Variants in MPP3 observed in about 807,000 individuals in gnomAD.
The protein encoded by MPP3 is MAGUK p55 scaffold protein 3.
In MPP3, 48 loss-of-function variants were observed where a neutral mutation model predicts 80.7. The observed-to-expected ratio is 0.59, with a 90% CI of 0.47 to 0.76. The LOEUF (loss-of-function observed/expected upper bound fraction) is 0.76. MPP3 is among the 30% of genes least tolerant of loss of function. The probability of loss-of-function intolerance (pLI) is 0.00; values close to 1 mark genes in which losing one functional copy is unlikely to be tolerated. For missense variants in MPP3, 620 were observed against 763.0 expected (o/e 0.81, Z 2.21); for synonymous variants, 311 against 297.6 (o/e 1.04, Z -0.46).
rs1598378012 is a variant in MPP3 at position 43,832,824 on chromosome 17, G to C, written c.-96-5C>G. ...CCGCTCGCTCTCCGAAGGAACCTGT[G>C]GGAGAACAAGGAGCGCACTGGGCGC... On this transcript the variant is annotated splice_region_variant and splice_polypyrimidine_tract_variant and intron_variant, in intron 1 of 19. Transcript: ENST00000398389. 6.6e-6 allele frequency: 1 copy of C among 152,470 alleles called. No individual in the cohort carries two copies. Among genetic ancestry groups the C allele is most frequent in the East Asian group, 1.9e-4 (1 of 5,174 alleles). The allele number at this position is 152,470 out of a possible 1,614,324, so 9.4% of individuals were successfully genotyped here.
At chr17:43,819,934 T>C (rs2045338243) in intron 11 of MPP3, among the ~76,000 whole-genome samples, 1 of 152,094 alleles carries the variant, frequency 6.6e-6, no homozygotes, top group South Asian at 2.1e-4. Flanking sequence ...AGTTTTTTTC[T>C]GTTTTTTTGT....
chr17:43,820,936 C>T lies in MPP3; in HGVS notation c.807G>A (p.Thr269=), dbSNP rs141959648. Reference sequence around the variant, plus strand: ...CCCCGACTCGCTTGGCCTGCCACCACGTGGGGTCGTCCTGGCTCACCACCT... The same window carrying T: ...CCCCGACTCGCTTGGCCTGCCACCATGTGGGGTCGTCCTGGCTCACCACCT... ...VLEVVSQDDP[T]WWQAKRVGDT... Residue 269 remains threonine, a synonymous_variant, in exon 11 of 20, where the codon ACG becomes ACA. Coordinates refer to ENST00000398389, the MANE Select transcript of MPP3 (RefSeq NM_001932.6). 314 of 1,614,068 alleles carry T rather than the reference C, an allele frequency of 1.9e-4. 1 individual carries two copies. In the East Asian group the frequency reaches 6.8e-3, roughly 35 times the overall value.
intron 19 of MPP3, among the ~76,000 whole-genome samples, chr17:43,806,119 C>T (rs1054461288): frequency 6.6e-6 from 1 of 152,036 alleles, no homozygotes; most frequent in Non-Finnish European, 1.5e-5. Context: ...TTGTATTTAG[C>T]TATGTCATCA....
At chr17:43,805,660 A>G (rs566656196) in intron 19 of MPP3, among the ~76,000 whole-genome samples, 86 of 152,348 alleles carry the variant, frequency 5.6e-4, no homozygotes, top group Middle Eastern at 3.4e-3. Context: ...CTTTAAAAAC[A>G]TTATATTAAG....
At chr17:43,828,462 T>C (rs1314438187) in intron 7 of MPP3, among the ~76,000 whole-genome samples, 1 of 152,224 alleles carries the variant, frequency 6.6e-6, no homozygotes, top group Non-Finnish European at 1.5e-5. Context: ...TGGACAGCCT[T>C]GGGTGTGAAC....
chr17:43,823,423 A>G (rs1197500546), intron 10 of MPP3, among the ~76,000 whole-genome samples: 1 of 152,166 alleles, frequency 6.6e-6, no homozygotes, highest in Non-Finnish European at 1.5e-5. Context: ...GACACCCTCT[A>G]GGGTGACTGT....
In MPP3 at chr17:43,823,191, A is replaced by G. The variant is rs777060756; in HGVS notation, c.684+740T>C. 2.0e-5 allele frequency among the ~76,000 whole-genome samples: 3 copies of G among 152,134 alleles called. No homozygotes were observed. The East Asian group carries it at 5.8e-4, about 29-fold the overall frequency. On this transcript the variant is annotated intron_variant, in intron 10 of 19. Coordinates refer to ENST00000398389, the MANE Select transcript of MPP3 (RefSeq NM_001932.6). Reference sequence around the variant, plus strand: ...CTAAGAGGCCCCACACTAAGCAAGGATTATGCCAAAACCCTTAACAAGGCA... The same window carrying G: ...CTAAGAGGCCCCACACTAAGCAAGGGTTATGCCAAAACCCTTAACAAGGCA...
intron 10 of MPP3, among the ~76,000 whole-genome samples, chr17:43,823,377 C>T (rs1185689110): frequency 1.3e-5 from 2 of 152,162 alleles, no homozygotes; most frequent in Non-Finnish European, 2.9e-5. Context: ...TCGTCTTTAC[C>T]TTCTTCAGGC....
chr17:43,816,700 G>A lies in MPP3; in HGVS notation c.947-3C>T. 6.3e-7 allele frequency: 1 copy of A among 1,575,590 alleles called. No individual in the cohort carries two copies. Among genetic ancestry groups the A allele is most frequent in the Non-Finnish European group, 8.6e-7 (1 of 1,159,812 alleles). On this transcript the variant is annotated splice_polypyrimidine_tract_variant and splice_region_variant and intron_variant, in intron 12 of 19. Transcript: ENST00000398389. ...ACCTTTGTCACAAGGCTGATCATCT[G>A]CGGTTTGCACAAAAGACAGATGGAA...
At chr17:43,806,670 C>T (rs369106191) in intron 19 of MPP3, among the ~76,000 whole-genome samples, 7 of 151,924 alleles carry the variant, frequency 4.6e-5, no homozygotes, top group African/African-American at 7.3e-5. Context: ...AGTGCGATGG[C>T]GCAATCTCGG....
Position 43,801,601 on chromosome 17 carries a change from C to G in MPP3, c.*100G>C. 1.7e-6 allele frequency: 2 copies of G among 1,151,996 alleles called. No homozygotes were observed. Among genetic ancestry groups the G allele is most frequent in the Non-Finnish European group, 2.5e-6 (2 of 785,588 alleles). 71.4% of individuals were successfully genotyped at this position (1,151,996 alleles called of 1,614,324 possible). The stretch of plus-strand genomic sequence containing the variant: ...TCGATGATGGAATTTGTGGAGAATT[C>G]TCTCCCTCTCTGCGCTTGAGATTCC... On this transcript the variant is annotated 3_prime_UTR_variant, in exon 20 of 20. Transcript: ENST00000398389.
Position 43,808,970 on chromosome 17 carries a change from T to G in MPP3, c.1567A>C (p.Thr523Pro). 6.2e-7 allele frequency: 1 copy of G among 1,604,962 alleles called. No individual in the cohort carries two copies. The highest frequency in any genetic ancestry group is 8.5e-7 in the Non-Finnish European group (1 of 1,177,832). The change falls in exon 19 of 20, where the codon ACA (threonine) becomes CCA (proline). Residue 523 changes from threonine (T) to proline (P), a missense_variant. Thr to Pro is a conservative substitution (Grantham distance 38). Coordinates refer to ENST00000398389, the MANE Select transcript of MPP3 (RefSeq NM_001932.6). ...TPPMSPACED[T>P]AAPFDEQQQE... is the part of the protein sequence containing the mutation. The stretch of plus-strand genomic sequence containing the variant: ...TTTAAACTTACAAATGGGGCTGCTG[T>G]GTCCTCACAAGCTGGGGACATAGGT...
chr17:43,828,594 C>T (rs939242681), intron 7 of MPP3, among the ~76,000 whole-genome samples: 4 of 152,236 alleles, frequency 2.6e-5, no homozygotes, highest in African/African-American at 9.7e-5. Context: ...AAGGATTCCA[C>T]TCAAGGCACT....
At chr17:43,820,186 C>G (rs1011492660) in intron 11 of MPP3, among the ~76,000 whole-genome samples, 3 of 152,136 alleles carry the variant, frequency 2.0e-5, no homozygotes, top group Non-Finnish European at 2.9e-5. Context: ...CCCAAGGGAA[C>G]CTTCTGCCTC....
In MPP3 at chr17:43,818,200, C is replaced by T. The variant is rs1598345615; in HGVS notation, c.882-90G>A. The T allele has an allele frequency of 2.5e-6, 3 of 1,214,554 alleles. No individual in the cohort carries two copies. The East Asian group carries it at 8.9e-5, about 36-fold the overall frequency. 75.2% of individuals were successfully genotyped at this position (1,214,554 alleles called of 1,614,324 possible). On this transcript the variant is annotated intron_variant, in intron 11 of 19. Coordinates refer to ENST00000398389, the MANE Select transcript of MPP3 (RefSeq NM_001932.6). ...TTCTGGAAAACTTGGGAAGCCAAGG[C>T]CTGGATCCCACAGGTGGGCACACAC...
In MPP3 at chr17:43,813,919, AG is replaced by A. The variant is rs540919032; in HGVS notation, c.1255+91del. The A allele has an allele frequency of 1.5e-3, 1,584 of 1,086,146 alleles. 2 individuals are homozygous for A. The highest frequency in any genetic ancestry group is 4.8e-3 in the South Asian group (287 of 60,226). The allele number at this position is 1,086,146 out of a possible 1,614,324, so 67.3% of individuals were successfully genotyped here. A position where few individuals can be genotyped will look rare whatever the true frequency, so the allele number is the denominator to read the frequency against. On this transcript the variant is annotated intron_variant, in intron 16 of 19. Coordinates refer to ENST00000398389, the MANE Select transcript of MPP3 (RefSeq NM_001932.6). ...GTGCCTGGTGATCCTTTAAACCCAA[AG>A]TAAGGATTTGGATGGATCTGGGGAG... is the stretch of plus-strand genomic sequence containing the variant.
chr17:43,826,395 G>C (rs2045697340), intron 8 of MPP3, among the ~76,000 whole-genome samples: 1 of 152,210 alleles, frequency 6.6e-6, no homozygotes, highest in Non-Finnish European at 1.5e-5. Flanking sequence ...CTGGAGGCAG[G>C]TTAAAAGTGC....
chr17:43,826,905 G>A (rs1449525363), intron 8 of MPP3, among the ~76,000 whole-genome samples: 1 of 149,888 alleles, frequency 6.7e-6, no homozygotes, highest in African/African-American at 2.5e-5. Flanking sequence ...GTGTAATCAC[G>A]GCTCACTGCA....
chr17:43,819,138 A>G (rs1357056242), intron 11 of MPP3: 1 of 152,204 alleles, frequency 6.6e-6, no homozygotes, highest in African/African-American at 2.4e-5. Context: ...CTGCATTTCT[A>G]ACAAGTCCCC....
Sources: gnomAD v4.1 joint callset for allele counts (sites outside exome capture counted in the v4.1 genomes callset) on GRCh38, gnomAD v4.1.1 for gene constraint, MANE v1.5 for transcripts, NCBI Gene and HGNC (gene_info 2026-07-23, HGNC 2026-07-21) for gene names.